KIAA0319L: variants seen among roughly 807,000 people sequenced by gnomAD.
KIAA0319L encodes the protein KIAA0319 like.
Under a neutral mutation model 120.1 loss-of-function variants are expected in KIAA0319L, and 55 were observed. The ratio of observed to expected loss-of-function variants is 0.46; its 90% CI spans 0.37 to 0.57. The LOEUF (loss-of-function observed/expected upper bound fraction) is 0.57. Among genes scored for constraint, KIAA0319L ranks in the 20% least tolerant of loss-of-function variants. KIAA0319L has a pLI of 0.00. For synonymous variants in KIAA0319L, 398 were observed against 471.9 expected (o/e 0.84, Z 2.03); for missense variants, 1,049 against 1,255.3 (o/e 0.84, Z 2.48).
At chr1:35,484,806 A>ATAT (rs1381080295) in intron 3 of KIAA0319L, among the ~76,000 whole-genome samples, 21 of 86,230 alleles carry the variant, frequency 2.4e-4, no homozygotes, top group Non-Finnish European at 3.3e-4. Context: ...ATATATATAT[A>ATAT]TTTTTTTTTT....
intron 7 of KIAA0319L, among the ~76,000 whole-genome samples, chr1:35,466,212 GGCTC>G (rs1251230087): frequency 6.6e-6 from 1 of 152,204 alleles, no homozygotes; most frequent in African/African-American, 2.4e-5. Flanking sequence ...TGTGTACAAA[GGCTC>G]ACATCTCTGG....
intron 3 of KIAA0319L, among the ~76,000 whole-genome samples, chr1:35,493,412 G>A (rs1004665783): frequency 1.3e-5 from 2 of 151,678 alleles, no homozygotes; most frequent in Non-Finnish European, 2.9e-5. Context: ...AGGAGGAGGT[G>A]CAAAAAAATA....
intron 2 of KIAA0319L, among the ~76,000 whole-genome samples, chr1:35,535,811 C>A (rs1002800782): frequency 6.6e-6 from 1 of 152,128 alleles, no homozygotes; most frequent in Non-Finnish European, 1.5e-5. Context: ...ATTTCTCTCA[C>A]CAGATCATAT....
intron 3 of KIAA0319L, among the ~76,000 whole-genome samples, chr1:35,484,806 A>ATATATATATATTT (rs1381080295): frequency 2.3e-5 from 2 of 86,264 alleles, no homozygotes; most frequent in Admixed American, 1.1e-4. Context: ...ATATATATAT[A>ATATATATATATTT]TTTTTTTTTT....
chr1:35,485,409 A>C (rs1226059165), intron 3 of KIAA0319L, among the ~76,000 whole-genome samples: 2 of 152,186 alleles, frequency 1.3e-5, no homozygotes, highest in African/African-American at 4.8e-5. Context: ...CAAACCCATA[A>C]AGCTTTGCCA....
Position 35,442,248 on chromosome 1 carries a change from C to T in KIAA0319L, c.2868G>A (p.Lys956=). The change falls in exon 19 of 21, where the codon AAG becomes AAA. Residue 956 remains lysine (K), a splice_region_variant and synonymous_variant. Coordinates refer to ENST00000325722, the MANE Select transcript of KIAA0319L (RefSeq NM_024874.5). ...TTTCAAAGGAAAATCCATCTTACCT[C>T]TTACAACAACAGATCACAGTCCAAG... ...ILSWTVICCC[K]RQKGKPKRKS... The T allele has an allele frequency of 3.7e-6, 6 of 1,609,910 alleles. No individual in the cohort carries two copies. The highest frequency in any genetic ancestry group is 4.3e-6 in the Non-Finnish European group (5 of 1,176,148).
At chr1:35,456,751 C>T (rs1163666459) in intron 9 of KIAA0319L, among the ~76,000 whole-genome samples, 1 of 150,868 alleles carries the variant, frequency 6.6e-6, no homozygotes, top group Non-Finnish European at 1.5e-5. Flanking sequence ...GCGGACGTTG[C>T]AGTGAGCTGT....
chr1:35,496,707 G>A (rs1192701848), intron 3 of KIAA0319L, among the ~76,000 whole-genome samples: 1 of 152,070 alleles, frequency 6.6e-6, no homozygotes, highest in Non-Finnish European at 1.5e-5. Context: ...ACTTTGGGAG[G>A]CCAAGGTGGG....
chr1:35,483,558 C>T (rs923096252), intron 3 of KIAA0319L, among the ~76,000 whole-genome samples: 9 of 152,194 alleles, frequency 5.9e-5, no homozygotes, highest in African/African-American at 1.9e-4. Context: ...TATTTCTGGA[C>T]TCTATATTAT....
At chr1:35,540,182 C>A (rs965457110) in intron 2 of KIAA0319L, among the ~76,000 whole-genome samples, 6 of 152,184 alleles carry the variant, frequency 3.9e-5, no homozygotes, top group African/African-American at 9.7e-5. Flanking sequence ...TCCAGATAGG[C>A]CTTGGCTGGC....
chr1:35,549,864 T>A (rs1647133941), intron 2 of KIAA0319L, among the ~76,000 whole-genome samples: 1 of 152,226 alleles, frequency 6.6e-6, no homozygotes, highest in African/African-American at 2.4e-5. Context: ...ACAAATATTT[T>A]ATGCATCTAC....
Position 35,531,687 on chromosome 1 carries a change from T to C in KIAA0319L, c.142+22663A>G, listed in dbSNP as rs534253745. Reference sequence around the variant, plus strand: ...ATTGCTCACTTATTCTGTCTCCACGTTGGGAAGCCCCTCTGGCTCCCAGCC... The same window carrying C: ...ATTGCTCACTTATTCTGTCTCCACGCTGGGAAGCCCCTCTGGCTCCCAGCC... On this transcript the variant is annotated intron_variant, in intron 2 of 20. Coordinates refer to ENST00000325722, the MANE Select transcript of KIAA0319L (RefSeq NM_024874.5). Among the ~76,000 whole-genome samples the C allele has an allele frequency of 4.6e-5, 7 of 152,296 alleles. No individual in the cohort carries two copies. In the South Asian group the frequency reaches 1.2e-3, roughly 27 times the overall value.
chr1:35,504,439 G>A (rs150572041), intron 3 of KIAA0319L, among the ~76,000 whole-genome samples: 1,881 of 152,136 alleles, frequency 0.012, 41 homozygotes, highest in African/African-American at 0.043. Context: ...CTTGTGATCC[G>A]CCCGCCTTGG....
intron 2 of KIAA0319L, among the ~76,000 whole-genome samples, chr1:35,531,361 C>T (rs1646360469): frequency 6.6e-6 from 1 of 152,176 alleles, no homozygotes; most frequent in Non-Finnish European, 1.5e-5. Flanking sequence ...CAGTGTCTTG[C>T]TGCTAGAGCC....
At chr1:35,467,058 C>T (rs1031562427) in intron 6 of KIAA0319L, among the ~76,000 whole-genome samples, 1 of 151,644 alleles carries the variant, frequency 6.6e-6, no homozygotes, top group Non-Finnish European at 1.5e-5. Flanking sequence ...TGTCACTGCA[C>T]TCCAGCAAGA....
Position 35,453,812 on chromosome 1 carries a change from C to G in KIAA0319L, c.1781-123G>C. ...TCTCAGGCCACAGAACTGTCAGATA[C>G]TGTGGGAGATGTGGTTACCGTCAGG... On this transcript the variant is annotated intron_variant, in intron 11 of 20. Coordinates refer to ENST00000325722, the MANE Select transcript of KIAA0319L (RefSeq NM_024874.5). The surrounding 1 kb of genome is among the most constrained non-coding windows in gnomAD (Gnocchi z 4.1). 1.1e-6 allele frequency: 1 copy of G among 927,442 alleles called. No individual in the cohort carries two copies. Among genetic ancestry groups the G allele is most frequent in the Non-Finnish European group, 1.6e-6 (1 of 630,426 alleles). 57.5% of individuals were successfully genotyped at this position (927,442 alleles called of 1,614,324 possible).
At chr1:35,449,795 G>A (rs1412997507) in intron 15 of KIAA0319L, 72 bp downstream of exon 15, 6 of 1,536,266 alleles carry the variant, frequency 3.9e-6, no homozygotes, top group East Asian at 2.3e-5. Flanking sequence ...CTCGGGGAAG[G>A]GGATCTCAGG....
chr1:35,495,910 A>G (rs927411596), intron 3 of KIAA0319L, among the ~76,000 whole-genome samples: 6 of 152,076 alleles, frequency 3.9e-5, no homozygotes, highest in African/African-American at 1.4e-4. Flanking sequence ...CACAAAAAAT[A>G]TTCAACATCA....
intron 3 of KIAA0319L, among the ~76,000 whole-genome samples, chr1:35,502,557 A>G (rs1000601139): frequency 1.3e-5 from 2 of 151,980 alleles, no homozygotes; most frequent in Non-Finnish European, 2.9e-5. Context: ...CTTGCCTCCA[A>G]TAAACTTCTT....
Sources: allele counts gnomAD v4.1 joint callset (sites outside exome capture counted in the v4.1 genomes callset), GRCh38; gene constraint gnomAD v4.1.1; non-coding constraint Gnocchi (gnomAD v3.1); transcripts MANE v1.5; gene names NCBI Gene and HGNC (gene_info 2026-07-23, HGNC 2026-07-21).